The following PCDH15 variants were observed in gnomAD, a reference collection of about 807,000 sequenced individuals.
PCDH15 encodes protocadherin-15.
In PCDH15, 129 loss-of-function variants were observed where a neutral mutation model predicts 178.5. That is an observed-to-expected ratio of 0.72 (90% CI 0.63 to 0.84). PCDH15 has a LOEUF of 0.84. Ranked by LOEUF, PCDH15 falls within the 40% of genes least tolerant of loss-of-function variation. The probability of loss-of-function intolerance (pLI) is 0.00; values close to 1 mark genes in which losing one functional copy is unlikely to be tolerated. For synonymous variants in PCDH15, 800 were observed against 732.0 expected (o/e 1.09, Z -1.50); for missense variants, 2,230 against 2,099.9 (o/e 1.06, Z -1.21).
chr10:54,060,360 C>A (rs1254089972), intron 18 of PCDH15, among the ~76,000 whole-genome samples: 1 of 152,132 alleles, frequency 6.6e-6, no homozygotes, highest in Non-Finnish European at 1.5e-5. Context: ...AAGAGTGCAA[C>A]TACCGTATTT....
At chr10:54,048,030 G>T (rs2093690488) in intron 18 of PCDH15, among the ~76,000 whole-genome samples, 2 of 152,036 alleles carry the variant, frequency 1.3e-5, no homozygotes, top group South Asian at 2.1e-4. Flanking sequence ...CACCAACAGT[G>T]TATATGCATT....
At chr10:54,195,228 G>GC (rs1321500982) in intron 11 of PCDH15, among the ~76,000 whole-genome samples, 1 of 152,082 alleles carries the variant, frequency 6.6e-6, no homozygotes, top group Non-Finnish European at 1.5e-5. Flanking sequence ...ATAGTCACTG[G>GC]CAGAAGTATG....
At chr10:54,189,414 T>C in intron 11 of PCDH15, 1 of 1,465,972 alleles carries the variant, frequency 6.8e-7, no homozygotes, top group South Asian at 1.4e-5. Flanking sequence ...GAAATAAATA[T>C]TGTAAATGTA....
At chr10:55,209,458 C>A (rs1170648976) in intron 1 of PCDH15, among the ~76,000 whole-genome samples, 1 of 151,704 alleles carries the variant, frequency 6.6e-6, no homozygotes, top group African/African-American at 2.4e-5. Flanking sequence ...TTGTACTGGT[C>A]TATGGTAAAG....
In PCDH15 at chr10:54,391,272, C is replaced by T. The variant is rs536327850; in HGVS notation, c.158-12330G>A. Among the ~76,000 whole-genome samples, 59 of 152,308 alleles carry T rather than the reference C, an allele frequency of 3.9e-4. 1 individual carries two copies. The highest frequency in any genetic ancestry group is 2.7e-3 in the South Asian group (13 of 4,830). ...TGTCATTTGAGTAATTGTGATGCCA[C>T]ACCTGGCAAAAATTAGCCACATGCT... is the stretch of plus-strand genomic sequence containing the variant. On this transcript the variant is annotated intron_variant, in intron 3 of 37. Coordinates refer to ENST00000644397, the MANE Select transcript of PCDH15 (RefSeq NM_001384140.1).
At chr10:53,838,780 G>T (rs2077459659) in intron 29 of PCDH15, among the ~76,000 whole-genome samples, 1 of 151,982 alleles carries the variant, frequency 6.6e-6, no homozygotes, top group South Asian at 2.1e-4. Context: ...CAAAAAATTG[G>T]CTTGGTAGAT....
In PCDH15 at chr10:55,016,048, C is replaced by T. The variant is rs146168014; in HGVS notation, c.-79-118548G>A. Among the ~76,000 whole-genome samples, 916 of 142,970 alleles carry T rather than the reference C, an allele frequency of 6.4e-3. 10 individuals are homozygous for T. The highest frequency in any genetic ancestry group is 0.023 in the African/African-American group (856 of 37,854). The allele number at this position is 142,970 out of a possible 152,430, so 93.8% of individuals were successfully genotyped here. A position where few individuals can be genotyped will look rare whatever the true frequency, so the allele number is the denominator to read the frequency against. On this transcript the variant is annotated intron_variant, in intron 2 of 5. Coordinates refer to the PCDH15 transcript ENST00000458638. Reference sequence around the variant, plus strand: ...GGTTCCTTAAAAAGTTCTCAGCAGGCTTGAGTTGTAATTGACCAAATTTTA... The same window carrying T: ...GGTTCCTTAAAAAGTTCTCAGCAGGTTTGAGTTGTAATTGACCAAATTTTA...
chr10:55,031,087 G>A (rs1473843777), intron 2 of PCDH15, among the ~76,000 whole-genome samples: 3 of 152,010 alleles, frequency 2.0e-5, no homozygotes, highest in Admixed American at 2.0e-4. Context: ...ACAAATTGAT[G>A]ACACTGTAAG....
At chr10:54,587,827 C>T (rs1163436496) in intron 2 of PCDH15, among the ~76,000 whole-genome samples, 1 of 151,688 alleles carries the variant, frequency 6.6e-6, no homozygotes, top group Non-Finnish European at 1.5e-5. Flanking sequence ...AATAATGATG[C>T]AAAAAATAAT....
At chr10:55,622,224 T>C (rs1837421950) in intron 2 of PCDH15, among the ~76,000 whole-genome samples, 1 of 147,790 alleles carries the variant, frequency 6.8e-6, no homozygotes, top group Non-Finnish European at 1.5e-5. Flanking sequence ...CTGCCCAGGC[T>C]GGTCTTAAAC....
At chr10:55,204,732 G>T (rs569624743) in intron 1 of PCDH15, among the ~76,000 whole-genome samples, 5 of 151,962 alleles carry the variant, frequency 3.3e-5, no homozygotes, top group Non-Finnish European at 7.4e-5. Context: ...TCTTTTAATA[G>T]TATGAAAATA....
intron 2 of PCDH15, among the ~76,000 whole-genome samples, chr10:54,978,996 ATGAATTTATTTAATTT>A (rs1160040383): frequency 6.6e-6 from 1 of 152,192 alleles, no homozygotes; most frequent in Admixed American, 6.5e-5. Context: ...CTATAATAAA[ATGAATTTATTTAATTT>A]TAGCTACAAT....
chr10:54,386,713 G>T (rs1295660204), intron 3 of PCDH15, among the ~76,000 whole-genome samples: 1 of 152,092 alleles, frequency 6.6e-6, no homozygotes, highest in Non-Finnish European at 1.5e-5. Context: ...ACAGAAAGAT[G>T]GTGAACATCA....
Position 54,023,083 on chromosome 10 carries a change from T to C in PCDH15, c.2335A>G (p.Arg779Gly), listed in dbSNP as rs2092975394. Reference protein sequence around the residue: ...GSIYTAVKLNREVRDYYELVV... With the variant: ...GSIYTAVKLNGEVRDYYELVV... Reference sequence around the variant, plus strand: ...AGTTCATAGTAGTCCCTGACTTCTCTGTTAAGCTTCACTGCTGTGTAAATG... The same window carrying C: ...AGTTCATAGTAGTCCCTGACTTCTCCGTTAAGCTTCACTGCTGTGTAAATG... Residue 779 changes from arginine (R) to glycine (G), a missense_variant, in exon 19 of 38, where the codon AGA becomes GGA. Transcript: ENST00000644397. The C allele has an allele frequency of 6.2e-7, 1 of 1,613,920 alleles. No homozygotes were observed. The highest frequency in any genetic ancestry group is 2.2e-5 in the East Asian group (1 of 44,880).
chr10:54,126,218 G>T (rs911120946), intron 15 of PCDH15, among the ~76,000 whole-genome samples: 2 of 151,988 alleles, frequency 1.3e-5, no homozygotes, highest in African/African-American at 2.4e-5. Flanking sequence ...TTACAAGCAT[G>T]CACCAACACA....
chr10:54,122,061 A>C (rs2041577183), intron 15 of PCDH15, among the ~76,000 whole-genome samples: 2 of 151,430 alleles, frequency 1.3e-5, no homozygotes, highest in Admixed American at 6.6e-5. Context: ...ACACACAATG[A>C]AACTACTGGC....
chr10:53,855,742 A>G (rs74708598), intron 28 of PCDH15, among the ~76,000 whole-genome samples: 3,484 of 151,708 alleles, frequency 0.023, 137 homozygotes, highest in African/African-American at 0.079. Context: ...ACTGAAATCA[A>G]CAGAAGACAC....
intron 16 of PCDH15, among the ~76,000 whole-genome samples, chr10:54,087,681 TGC>T (rs376612039): frequency 6.6e-6 from 1 of 152,210 alleles, no homozygotes. Context: ...TGCTGGCTTA[TGC>T]GGTAATTCTG....
intron 1 of PCDH15, among the ~76,000 whole-genome samples, chr10:55,228,508 T>C (rs1479151705): frequency 6.6e-6 from 1 of 152,028 alleles, no homozygotes; most frequent in Non-Finnish European, 1.5e-5. Context: ...CCAAAGCCTT[T>C]CTCTTTACCA....
Sources: gnomAD v4.1 joint callset for allele counts (sites outside exome capture counted in the v4.1 genomes callset) on GRCh38, gnomAD v4.1.1 for gene constraint, MANE v1.5 for transcripts, NCBI Gene and HGNC (gene_info 2026-07-23, HGNC 2026-07-21) for gene names.